Variants in FANCD2 observed in about 807,000 individuals in gnomAD.
The protein encoded by FANCD2 is Fanconi anemia group D2 protein.
In FANCD2, 131 loss-of-function variants were observed where a neutral mutation model predicts 192.3. The observed-to-expected ratio is 0.68, with a 90% CI of 0.59 to 0.79. The LOEUF is 0.79. Ranked by LOEUF, FANCD2 falls within the 30% of genes least tolerant of loss-of-function variation. The pLI is 0.00. For synonymous variants in FANCD2, 524 were observed against 612.5 expected (o/e 0.86, Z 2.13); for missense variants, 1,508 against 1,701.6 (o/e 0.89, Z 2.00).
In FANCD2 at chr3:10,032,901, A is replaced by G. The variant is rs760551996; in HGVS notation, c.134A>G (p.Asp45Gly). ...ATTGCTAATGAAGTTGAAGAAAATG[A>G]CAGCATCTTTGTAAAGCTTCTTAAG... ...SHIANEVEEN[D>G]SIFVKLLKIS... Residue 45 changes from aspartate to glycine, a missense_variant, in exon 3 of 44, where the codon GAC (aspartate) becomes GGC (glycine). Asp to Gly is a moderately conservative substitution (Grantham distance 94, BLOSUM62 -1). Coordinates refer to ENST00000675286, the MANE Select transcript of FANCD2 (RefSeq NM_001018115.3). 6.2e-7 allele frequency: 1 copy of G among 1,606,524 alleles called. No homozygotes were observed. Among genetic ancestry groups the G allele is most frequent in the Non-Finnish European group, 8.5e-7 (1 of 1,173,288 alleles).
At chr3:10,068,150 AAGAG>A (rs1442256932) in intron 26 of FANCD2, among the ~76,000 whole-genome samples, 1 of 152,166 alleles carries the variant, frequency 6.6e-6, no homozygotes, top group Non-Finnish European at 1.5e-5. Flanking sequence ...ACAATTAGAC[AAGAG>A]AGAGAAAGAA....
intron 18 of FANCD2, among the ~76,000 whole-genome samples, chr3:10,056,729 C>G (rs764986328): frequency 6.6e-6 from 1 of 151,920 alleles, no homozygotes; most frequent in Non-Finnish European, 1.5e-5. Context: ...CTGATGAGTG[C>G]GAGTGGTATC....
intron 13 of FANCD2, 87 bp from the exon 14 acceptor site, chr3:10,043,742 G>A (rs2086925453): frequency 7.9e-7 from 1 of 1,271,732 alleles, no homozygotes; most frequent in Admixed American, 1.8e-5. Flanking sequence ...TTGGCTCTTA[G>A]ATGAGATAAC....
At chr3:10,078,328 G>T in intron 30 of FANCD2, 131 bp downstream of exon 30, 1 of 719,880 alleles carries the variant, frequency 1.4e-6, no homozygotes. Context: ...CAGCCGTATT[G>T]CCAGACAATA....
In FANCD2 at chr3:10,034,877, G is replaced by A. The variant is rs1380665349; in HGVS notation, c.377+79G>A. On this transcript the variant is annotated intron_variant, in intron 5 of 43. Transcript: ENST00000675286. ...CATGGGGCTGGGGAGGGAGAGCACAGTTGTTTCAAATTTCATTTTTGGTGT... is the reference window on the plus strand; with the variant it reads ...CATGGGGCTGGGGAGGGAGAGCACAATTGTTTCAAATTTCATTTTTGGTGT... The A allele has an allele frequency of 3.8e-6, 4 of 1,053,104 alleles. No individual in the cohort carries two copies. In the South Asian group the frequency reaches 4.1e-5, roughly 11 times the overall value. 65.2% of individuals were successfully genotyped at this position (1,053,104 alleles called of 1,614,324 possible).
At chr3:10,054,633 G>A (rs1243841021) in intron 18 of FANCD2, among the ~76,000 whole-genome samples, 6 of 146,676 alleles carry the variant, frequency 4.1e-5, no homozygotes, top group African/African-American at 7.5e-5. Flanking sequence ...ACAGGCGCCC[G>A]CCACCACGCC....
intron 28 of FANCD2, 46 bp downstream of exon 28, chr3:10,073,408 A>G: frequency 7.4e-7 from 1 of 1,344,076 alleles, no homozygotes; most frequent in Non-Finnish European, 1.1e-6. Context: ...CATCCCAGTG[A>G]GATTAACAGA....
intron 32 of FANCD2, among the ~76,000 whole-genome samples, chr3:10,083,119 C>T (rs1693946935): frequency 6.6e-6 from 1 of 151,912 alleles, no homozygotes; most frequent in Admixed American, 6.6e-5. Flanking sequence ...CCCAGCTACT[C>T]AGGAGGCTGA....
chr3:10,043,286 ATATGTATGTGAG>A, intron 12 of FANCD2, 136 bp downstream of exon 12: 1 of 807,430 alleles, frequency 1.2e-6, no homozygotes, highest in Non-Finnish European at 2.1e-6. Context: ...CAAATTACAT[ATATGTATGTGAG>A]TATGTATGTG....
At chr3:10,059,000 G>T (rs1476908401) in intron 18 of FANCD2, among the ~76,000 whole-genome samples, 1 of 152,068 alleles carries the variant, frequency 6.6e-6, no homozygotes, top group Non-Finnish European at 1.5e-5. Context: ...ATGTTTTTCA[G>T]CAATGTTTAT....
rs2302844 is a variant in FANCD2, at chr3:10,095,190, T to C, written c.3964-10T>C. The C allele has an allele frequency of 4.0e-5, 64 of 1,608,680 alleles. No homozygotes were observed. The highest frequency in any genetic ancestry group is 1.1e-4 in the East Asian group (5 of 44,870). ...ATTTCATAGAGCATTTATAAACTTA[T>C]TGGTTATAGGAAGATGTTCTGAGCT... is the stretch of plus-strand genomic sequence containing the variant. On this transcript the variant is annotated splice_polypyrimidine_tract_variant and intron_variant, in intron 40 of 43. Transcript: ENST00000675286.
rs1044444545 is a variant in FANCD2, at chr3:10,074,684, G to A, written c.2859+11G>A. 6 of 1,612,900 alleles carry A rather than the reference G, an allele frequency of 3.7e-6. No homozygotes were observed. In the African/African-American group the frequency reaches 6.7e-5, roughly 18 times the overall value. ...GAAATGCACACTGAAGTAAGTGACA[G>A]GCTAGGATCTCAGAATTTAATCTTC... On this transcript the variant is annotated intron_variant, in intron 29 of 43. Transcript: ENST00000675286.
intron 9 of FANCD2, 113 bp downstream of exon 9, chr3:10,039,958 A>G (rs376281171): frequency 8.3e-7 from 1 of 1,208,104 alleles, no homozygotes; most frequent in East Asian, 2.4e-5. Context: ...AGAGGATGAT[A>G]CCCCCCTTCA....
rs752277320 is a variant in FANCD2, at chr3:10,095,462, G to A, written c.4038+188G>A. 2.9e-4 allele frequency: 179 copies of A among 609,800 alleles called. 1 individual carries two copies. Among genetic ancestry groups the A allele is most frequent in the Admixed American group, 8.2e-4 (29 of 35,466 alleles). 37.8% of individuals were successfully genotyped at this position (609,800 alleles called of 1,614,324 possible). Reference sequence around the variant, plus strand: ...GGCAGTCCTCTAGAGGGGAATCTCCGCATCTGAAATTTGATTCAAACTCCA... The same window carrying A: ...GGCAGTCCTCTAGAGGGGAATCTCCACATCTGAAATTTGATTCAAACTCCA... On this transcript the variant is annotated intron_variant, in intron 41 of 43. Coordinates refer to ENST00000675286, the MANE Select transcript of FANCD2 (RefSeq NM_001018115.3).
intron 17 of FANCD2, among the ~76,000 whole-genome samples, chr3:10,051,471 A>T (rs2087215389): frequency 7.3e-6 from 1 of 136,136 alleles, no homozygotes. Flanking sequence ...ATGGAGGCAG[A>T]GGCTATTGGC....
At chr3:10,060,999 C>A (rs2087551010) in intron 19 of FANCD2, among the ~76,000 whole-genome samples, 1 of 152,198 alleles carries the variant, frequency 6.6e-6, no homozygotes, top group African/African-American at 2.4e-5. Context: ...AAAGGAGTCA[C>A]AATGGTGGGA....
rs572858633 is a variant in FANCD2, at chr3:10,086,590, T to A, written c.3336-544T>A. On this transcript the variant is annotated intron_variant, in intron 33 of 43. Coordinates refer to ENST00000675286, the MANE Select transcript of FANCD2 (RefSeq NM_001018115.3). ...TCCACCTCCTGGGCTCAAGTGATTG[T>A]ACTGCCTCAGCCTCCCAAGACGCTG... 6.6e-5 allele frequency among the ~76,000 whole-genome samples: 10 copies of A among 152,252 alleles called. 1 individual carries two copies. The South Asian group carries it at 8.3e-4, about 13-fold the overall frequency.
Position 10,088,365 on chromosome 3 carries a change from TC to T in FANCD2, c.3467-83del, listed in dbSNP as rs1009809333. The T allele has an allele frequency of 6.9e-6, 6 of 865,838 alleles. No individual in the cohort carries two copies. The African/African-American group carries it at 9.9e-5, about 14-fold the overall frequency. 53.6% of individuals were successfully genotyped at this position (865,838 alleles called of 1,614,324 possible). On this transcript the variant is annotated intron_variant, in intron 34 of 43. Coordinates refer to ENST00000675286, the MANE Select transcript of FANCD2 (RefSeq NM_001018115.3). ...AAATCTAAACTAATAATCCTTTTGATCAATAATCATCCTCAAAAACCTGAAA... is the reference window on the plus strand; with the variant it reads ...AAATCTAAACTAATAATCCTTTTGATAATAATCATCCTCAAAAACCTGAAA...
In FANCD2 at chr3:10,050,487, G is replaced by A. The variant is rs187498667; in HGVS notation, c.1545+982G>A. ...AAAATACAAAAATTAGCCGGGCATC[G>A]TGGCGGTCGCCTGTAGTCCCAGCTA... On this transcript the variant is annotated intron_variant, in intron 17 of 43. Transcript: ENST00000675286. 1.7e-3 allele frequency among the ~76,000 whole-genome samples: 253 copies of A among 152,046 alleles called. 4 individuals are homozygous for A. Among genetic ancestry groups the A allele is most frequent in the South Asian group, 9.8e-3 (47 of 4,810 alleles).
Sources: gnomAD v4.1 joint callset for allele counts (sites outside exome capture counted in the v4.1 genomes callset) on GRCh38, gnomAD v4.1.1 for gene constraint, MANE v1.5 for transcripts, NCBI Gene and HGNC (gene_info 2026-07-23, HGNC 2026-07-21) for gene names.